Variants in CRIM1 observed in about 807,000 individuals in gnomAD.
CRIM1 encodes the protein cysteine rich transmembrane BMP regulator 1, also known as cysteine-rich motor neuron 1 protein.
Under a neutral mutation model 116.4 loss-of-function variants are expected in CRIM1, and 32 were observed. The observed-to-expected ratio is 0.27, with a 90% CI of 0.21 to 0.37. CRIM1 has a LOEUF of 0.37. Among genes scored for constraint, CRIM1 ranks in the 10% least tolerant of loss-of-function variants. The pLI, the probability that CRIM1 is intolerant of heterozygous loss-of-function variation, is 1.00. For missense variants in CRIM1, 1,331 were observed against 1,354.8 expected, an observed-to-expected ratio of 0.98 and a Z score of 0.28; for synonymous variants, 590 against 509.2, an observed-to-expected ratio of 1.16 and a Z score of -2.13.
At chr2:36,452,735 A>G (rs1676834974) in intron 4 of CRIM1, among the ~76,000 whole-genome samples, 1 of 151,836 alleles carries the variant, frequency 6.6e-6, no homozygotes, top group African/African-American at 2.4e-5. Flanking sequence ...CTTATTTTGT[A>G]TTTGTCTTAG....
At chr2:36,395,367 A>C (rs1671945598) in intron 1 of CRIM1, among the ~76,000 whole-genome samples, 1 of 152,204 alleles carries the variant, frequency 6.6e-6, no homozygotes, top group South Asian at 2.1e-4. Flanking sequence ...AAGGTTTCTT[A>C]AATTCAGGTA....
intron 7 of CRIM1, among the ~76,000 whole-genome samples, chr2:36,484,136 C>T (rs540081883): frequency 6.6e-6 from 1 of 152,278 alleles, no homozygotes; most frequent in South Asian, 2.1e-4. Context: ...TTTATTCTGT[C>T]CCAGTTCAGC....
chr2:36,531,382 C>T (rs1666103522), intron 13 of CRIM1, among the ~76,000 whole-genome samples: 1 of 150,460 alleles, frequency 6.6e-6, no homozygotes, highest in African/African-American at 2.4e-5. Flanking sequence ...TCTGGAGATG[C>T]GTTTTTGGTT....
chr2:36,384,051 T>G (rs1019431115), intron 1 of CRIM1, among the ~76,000 whole-genome samples: 2 of 152,142 alleles, frequency 1.3e-5, no homozygotes, highest in African/African-American at 4.8e-5. Context: ...AGGAGAGAAG[T>G]GCTACGGAGA....
At chr2:36,546,262 T>C (rs1033139622) in intron 15 of CRIM1, among the ~76,000 whole-genome samples, 1 of 152,208 alleles carries the variant, frequency 6.6e-6, no homozygotes, top group African/African-American at 2.4e-5. Context: ...CCTATTGGTA[T>C]GTGTTTAACC....
intron 4 of CRIM1, 142 bp from the exon 5 acceptor site, chr2:36,464,392 T>C: frequency 1.2e-6 from 1 of 819,188 alleles, no homozygotes; most frequent in South Asian, 1.9e-5. Flanking sequence ...TGCCTTCCCA[T>C]TTCCCAGTGA....
chr2:36,522,707 CAGG>C (rs895153521), intron 13 of CRIM1, among the ~76,000 whole-genome samples: 13 of 149,206 alleles, frequency 8.7e-5, no homozygotes, highest in African/African-American at 3.2e-4. Flanking sequence ...GAGGCTGAGG[CAGG>C]AGAATCACTT....
rs139895660 is a variant in CRIM1 at position 36,479,539 on chromosome 2, A to G, written c.1217A>G (p.Asn406Ser). ...PFNNPAGCYA[N>S]GLILAHGDRW... ...AATAATCCCGCTGGCTGCTATGCCA[A>G]TGGCCTGATCCTTGCCCACGGAGAC... Residue 406 changes from asparagine (N) to serine (S), a missense_variant, in exon 7 of 17, where the codon AAT becomes AGT. By Grantham distance (46) the Asn-to-Ser change is conservative. Transcript: ENST00000280527. 1.4e-4 allele frequency: 218 copies of G among 1,614,244 alleles called. 1 individual carries two copies. The highest frequency in any genetic ancestry group is 7.0e-4 in the Admixed American group (42 of 60,030).
intron 1 of CRIM1, among the ~76,000 whole-genome samples, chr2:36,363,992 A>C (rs976045459): frequency 6.6e-6 from 1 of 152,142 alleles, no homozygotes; most frequent in African/African-American, 2.4e-5. Flanking sequence ...ATTCATGAGC[A>C]TCGCCTATGG....
chr2:36,471,706 A>C (rs188273314), intron 5 of CRIM1, among the ~76,000 whole-genome samples: 2 of 149,642 alleles, frequency 1.3e-5, no homozygotes, highest in East Asian at 3.9e-4. Context: ...CACTAACACT[A>C]ATGATAGCTG....
chr2:36,370,231 C>A (rs1669859368), intron 1 of CRIM1, among the ~76,000 whole-genome samples: 1 of 146,452 alleles, frequency 6.8e-6, no homozygotes, highest in African/African-American at 2.5e-5. Flanking sequence ...AGTATGCCAT[C>A]ATTAAACAGT....
At chr2:36,474,874 A>AGT (rs1459491018) in intron 5 of CRIM1, among the ~76,000 whole-genome samples, 1 of 146,760 alleles carries the variant, frequency 6.8e-6, no homozygotes, top group Non-Finnish European at 1.5e-5. Context: ...AAAGACTTTG[A>AGT]ACCCCACTGA....
At chr2:36,498,369 A>G (rs530737074) in intron 7 of CRIM1, among the ~76,000 whole-genome samples, 123 of 152,300 alleles carry the variant, frequency 8.1e-4, no homozygotes, top group African/African-American at 2.8e-3. Context: ...AGTGTGCTAG[A>G]TTTCCTCATC....
Position 36,547,190 on chromosome 2 carries a change from T to TA in CRIM1, c.2934+20dup, listed in dbSNP as rs1667412799. ...AACTAAGGTACTGTCTTGCAAAAGT[T>TA]AGTCTCTTGAATGATGAATCTAGGA... On this transcript the variant is annotated intron_variant, in intron 16 of 16. Coordinates refer to ENST00000280527, the MANE Select transcript of CRIM1 (RefSeq NM_016441.3). 6.3e-7 allele frequency: 1 copy of TA among 1,593,250 alleles called. No individual in the cohort carries two copies.
chr2:36,407,933 T>C (rs1305173195), intron 2 of CRIM1, among the ~76,000 whole-genome samples: 2 of 152,144 alleles, frequency 1.3e-5, no homozygotes, highest in East Asian at 3.9e-4. Flanking sequence ...TTCACCTTCT[T>C]CTTTGCTTTA....
chr2:36,468,860 C>T (rs1203344552), intron 5 of CRIM1, among the ~76,000 whole-genome samples: 7 of 152,114 alleles, frequency 4.6e-5, no homozygotes, highest in African/African-American at 1.7e-4. Context: ...TAGATACGAG[C>T]ATTTGTCCAA....
At chr2:36,488,412 T>A (rs1222381564) in intron 7 of CRIM1, among the ~76,000 whole-genome samples, 3 of 152,190 alleles carry the variant, frequency 2.0e-5, no homozygotes, top group Admixed American at 2.0e-4. Flanking sequence ...CTCCCCTGCA[T>A]GAGCTCCCAG....
chr2:36,466,694 G>T (rs1423010587), intron 5 of CRIM1, among the ~76,000 whole-genome samples: 1 of 152,172 alleles, frequency 6.6e-6, no homozygotes, highest in Non-Finnish European at 1.5e-5. Flanking sequence ...AGGACACCCA[G>T]ATTTTGTTGC....
chr2:36,515,900 GA>G (rs1473234638), intron 11 of CRIM1, among the ~76,000 whole-genome samples: 2 of 152,278 alleles, frequency 1.3e-5, no homozygotes, highest in East Asian at 3.9e-4. Context: ...TACTCTTTGG[GA>G]CTTTTTGTTT....
Sources: allele counts gnomAD v4.1 joint callset (sites outside exome capture counted in the v4.1 genomes callset), GRCh38; gene constraint gnomAD v4.1.1; transcripts MANE v1.5; gene names NCBI Gene and HGNC (gene_info 2026-07-23, HGNC 2026-07-21).